Variants in MALRD1 observed in about 807,000 individuals in gnomAD.
The protein encoded by MALRD1 is MAM and LDL receptor class A domain containing 1.
A neutral mutation model predicts 242.1 loss-of-function variants in MALRD1; 247 were observed. The observed-to-expected ratio is 1.02, with a 90% CI of 0.92 to 1.13. The LOEUF (loss-of-function observed/expected upper bound fraction) is 1.13. MALRD1 is among the 50% of genes most tolerant of loss of function. The pLI is 0.00. For missense variants in MALRD1, 2,989 were observed against 2,533.1 expected (o/e 1.18, Z -3.86); for synonymous variants, 995 against 866.6 (o/e 1.15, Z -2.60).
At chr10:19,072,581 T>G (rs1035697212) in intron 2 of MALRD1, among the ~76,000 whole-genome samples, 14 of 152,128 alleles carry the variant, frequency 9.2e-5, no homozygotes, top group Admixed American at 7.2e-4. Context: ...AATTGAGCAT[T>G]TTATATCTGA....
intron 28 of MALRD1, among the ~76,000 whole-genome samples, chr10:19,429,278 G>A (rs747866153): frequency 6.6e-6 from 1 of 152,162 alleles, no homozygotes; most frequent in East Asian, 1.9e-4. Flanking sequence ...GAGTCAAATA[G>A]AGTCACTTAG....
chr10:19,519,846 A>G (rs1373132542), intron 31 of MALRD1, among the ~76,000 whole-genome samples: 3 of 152,226 alleles, frequency 2.0e-5, no homozygotes, highest in Admixed American at 6.5e-5. Flanking sequence ...TTAGTTTGGA[A>G]CAAAAGACTA....
At chr10:19,623,041 T>A (rs1056975962) in intron 36 of MALRD1, among the ~76,000 whole-genome samples, 1 of 152,016 alleles carries the variant, frequency 6.6e-6, no homozygotes, top group Non-Finnish European at 1.5e-5. Flanking sequence ...AGTGAAACCA[T>A]ACACACTATA....
chr10:19,235,519 A>G (rs1838271822), intron 18 of MALRD1, among the ~76,000 whole-genome samples: 1 of 151,484 alleles, frequency 6.6e-6, no homozygotes, highest in African/African-American at 2.4e-5. Flanking sequence ...ATACTAAAAA[A>G]CAAACAAAAA....
At chr10:19,455,670 C>A (rs995036458) in intron 29 of MALRD1, among the ~76,000 whole-genome samples, 2 of 152,160 alleles carry the variant, frequency 1.3e-5, no homozygotes, top group African/African-American at 4.8e-5. Flanking sequence ...ATGAACTACA[C>A]TGCAAGCCTT....
chr10:19,178,471 C>T (rs1835352002), intron 14 of MALRD1, among the ~76,000 whole-genome samples: 1 of 152,120 alleles, frequency 6.6e-6, no homozygotes. Context: ...ACCCAGACTA[C>T]CCAGACCCTG....
intron 26 of MALRD1, among the ~76,000 whole-genome samples, chr10:19,357,330 C>T (rs1380228795): frequency 6.6e-6 from 1 of 152,014 alleles, no homozygotes; most frequent in East Asian, 1.9e-4. Context: ...GAGGTAACTG[C>T]CCATGTAATT....
chr10:19,414,930 G>A (rs1833451012), intron 28 of MALRD1, among the ~76,000 whole-genome samples: 1 of 152,068 alleles, frequency 6.6e-6, no homozygotes, highest in Admixed American at 6.6e-5. Context: ...TTACAGACAG[G>A]ACCAAATGAT....
At chr10:19,177,913 G>C (rs190648522) in intron 14 of MALRD1, among the ~76,000 whole-genome samples, 1 of 152,092 alleles carries the variant, frequency 6.6e-6, no homozygotes, top group Non-Finnish European at 1.5e-5. Flanking sequence ...TTTCAGGCAA[G>C]ATAAGCCAGA....
intron 36 of MALRD1, among the ~76,000 whole-genome samples, chr10:19,683,370 G>A (rs1842453759): frequency 6.6e-6 from 1 of 152,216 alleles, no homozygotes; most frequent in African/African-American, 2.4e-5. Context: ...AGATTGTGTA[G>A]CAAATAGCTT....
At chr10:19,663,546 T>C (rs1367726620) in intron 36 of MALRD1, among the ~76,000 whole-genome samples, 2 of 152,042 alleles carry the variant, frequency 1.3e-5, no homozygotes, top group Non-Finnish European at 2.9e-5. Flanking sequence ...AGATAGCCAG[T>C]AGAGGGAGTG....
Position 19,455,975 on chromosome 10 carries a change from G to A in MALRD1, c.5029+5485G>A, listed in dbSNP as rs376059803. On this transcript the variant is annotated intron_variant, in intron 29 of 39. Transcript: ENST00000454679. ...TACTTACAGGACCCCTCTGTGAACTGCTCAGAGACACTGGTAAACCCAGGA... is the reference window on the plus strand; with the variant it reads ...TACTTACAGGACCCCTCTGTGAACTACTCAGAGACACTGGTAAACCCAGGA... Among the ~76,000 whole-genome samples, 9 of 152,178 alleles carry A rather than the reference G, an allele frequency of 5.9e-5. No individual in the cohort carries two copies. The East Asian group carries it at 1.4e-3, about 23-fold the overall frequency.
intron 36 of MALRD1, among the ~76,000 whole-genome samples, chr10:19,670,325 C>T (rs1030679499): frequency 1.3e-5 from 2 of 152,140 alleles, no homozygotes; most frequent in African/African-American, 4.8e-5. Flanking sequence ...ATCAGCAAAC[C>T]CATCAGCCAG....
intron 2 of MALRD1, among the ~76,000 whole-genome samples, chr10:19,071,735 G>T (rs1564372987): frequency 6.6e-6 from 1 of 152,096 alleles, no homozygotes. Context: ...TACATACAGG[G>T]TGAGTTGGGT....
chr10:19,507,201 A>C (rs574798340), intron 31 of MALRD1, among the ~76,000 whole-genome samples: 1 of 152,180 alleles, frequency 6.6e-6, no homozygotes, highest in South Asian at 2.1e-4. Context: ...ACCAGGCCCC[A>C]ACTCCAGCAA....
intron 21 of MALRD1, among the ~76,000 whole-genome samples, chr10:19,286,955 CA>C (rs983622201): frequency 1.8e-4 from 27 of 151,320 alleles, no homozygotes; most frequent in African/African-American, 6.6e-4. Flanking sequence ...AGCAGCACAT[CA>C]AAAAGCTTAT....
At chr10:19,585,167 G>C (rs1394828220) in intron 33 of MALRD1, among the ~76,000 whole-genome samples, 2 of 152,102 alleles carry the variant, frequency 1.3e-5, no homozygotes, top group East Asian at 3.9e-4. Flanking sequence ...GATGGGTCTT[G>C]GCTCTTTATC....
At chr10:19,117,435 A>G (rs530355384) in intron 5 of MALRD1, among the ~76,000 whole-genome samples, 1 of 151,308 alleles carries the variant, frequency 6.6e-6, no homozygotes, top group South Asian at 2.1e-4. Flanking sequence ...TTTTGTTTAT[A>G]GTACTTCTGG....
chr10:19,094,366 C>A (rs530025033), intron 4 of MALRD1, among the ~76,000 whole-genome samples: 2 of 130,052 alleles, frequency 1.5e-5, no homozygotes, highest in Non-Finnish European at 3.2e-5. Context: ...CAGGTGCGTC[C>A]GTCACCCCTT....
Sources: allele counts gnomAD v4.1 joint callset (sites outside exome capture counted in the v4.1 genomes callset), GRCh38; gene constraint gnomAD v4.1.1; transcripts MANE v1.5; gene names NCBI Gene and HGNC (gene_info 2026-07-23, HGNC 2026-07-21).